The following CADPS2 variants were observed in gnomAD, a reference collection of about 807,000 sequenced individuals.
CADPS2 encodes calcium dependent secretion activator 2.
In CADPS2, 93 loss-of-function variants were observed where a neutral mutation model predicts 172.5. The observed-to-expected ratio is 0.54, with a 90% CI of 0.46 to 0.64. The LOEUF is 0.64. Ranked by LOEUF, CADPS2 falls within the 30% of genes least tolerant of loss-of-function variation. CADPS2 has a pLI of 0.00. For missense variants in CADPS2, 1,420 were observed against 1,565.9 expected (o/e 0.91, Z 1.57); for synonymous variants, 546 against 555.2 (o/e 0.98, Z 0.23).
chr7:122,683,836 C>T (rs1413883385), intron 2 of CADPS2, among the ~76,000 whole-genome samples: 1 of 151,926 alleles, frequency 6.6e-6, no homozygotes, highest in Admixed American at 6.6e-5. Flanking sequence ...CCTCCAGGTA[C>T]TCCAGTTTCC....
chr7:122,650,575 C>A (rs1300751758), intron 3 of CADPS2, among the ~76,000 whole-genome samples: 1 of 152,096 alleles, frequency 6.6e-6, no homozygotes, highest in African/African-American at 2.4e-5. Context: ...AATCTATATT[C>A]ATTATCTAGG....
chr7:122,753,470 T>C lies in CADPS2; in HGVS notation c.340-16402A>G, dbSNP rs182824820. On this transcript the variant is annotated intron_variant, in intron 1 of 29. Coordinates refer to ENST00000449022, the MANE Select transcript of CADPS2 (RefSeq NM_017954.11). ...AATTCAATAACTCAGCAAATATTTATTGAGAACCTACTACATACCTGTACT... is the reference window on the plus strand; with the variant it reads ...AATTCAATAACTCAGCAAATATTTACTGAGAACCTACTACATACCTGTACT... Among the ~76,000 whole-genome samples, 479 of 152,304 alleles carry C rather than the reference T, an allele frequency of 3.1e-3. 2 individuals are homozygous for C. The highest frequency in any genetic ancestry group is 0.011 in the African/African-American group (463 of 41,566).
chr7:122,664,064 CAAAAAAAA>C (rs541690772), intron 2 of CADPS2, among the ~76,000 whole-genome samples: 2 of 84,882 alleles, frequency 2.4e-5, no homozygotes, highest in African/African-American at 4.9e-5. Flanking sequence ...TGTTTATAAG[CAAAAAAAA>C]AAAAAAAAAA....
intron 1 of CADPS2, among the ~76,000 whole-genome samples, chr7:122,792,377 C>G (rs1202445827): frequency 6.6e-6 from 1 of 152,168 alleles, no homozygotes; most frequent in Non-Finnish European, 1.5e-5. Flanking sequence ...GACCCCATCC[C>G]TCTTTCAGCC....
At chr7:122,864,107 T>C (rs1210818498) in intron 1 of CADPS2, among the ~76,000 whole-genome samples, 3 of 152,064 alleles carry the variant, frequency 2.0e-5, no homozygotes, top group Non-Finnish European at 4.4e-5. Flanking sequence ...CTTAGGAGGA[T>C]TATAGAACAT....
rs916412439 is a variant in CADPS2 at position 122,364,413 on chromosome 7, TAAAAAAAAAA to T, written c.3388-3410_3388-3401del. Among the ~76,000 whole-genome samples, 321 of 77,914 alleles carry T rather than the reference TAAAAAAAAAA, an allele frequency of 4.1e-3. 1 individual carries two copies. Among genetic ancestry groups the T allele is most frequent in the African/African-American group, 0.016 (305 of 18,764 alleles). The allele number at this position is 77,914 out of a possible 152,430, so 51.1% of individuals were successfully genotyped here. ...GACAAAGGAAGACCCTGTCTCAAGT[TAAAAAAAAAA>T]AAAAAAAAAAAAAAAGAACTTGGCC... On this transcript the variant is annotated intron_variant, in intron 25 of 29. Coordinates refer to ENST00000449022, the MANE Select transcript of CADPS2 (RefSeq NM_017954.11).
intron 9 of CADPS2, among the ~76,000 whole-genome samples, chr7:122,491,649 C>T (rs2058298687): frequency 6.6e-6 from 1 of 152,098 alleles, no homozygotes; most frequent in African/African-American, 2.4e-5. Flanking sequence ...TTCCCCAAGA[C>T]AATGATTTGG....
chr7:122,878,565 AG>A (rs2141680088), intron 1 of CADPS2, among the ~76,000 whole-genome samples: 1 of 148,664 alleles, frequency 6.7e-6, no homozygotes, highest in African/African-American at 2.5e-5. Flanking sequence ...GCGTGAACCC[AG>A]GAGGTGGAGC....
chr7:122,633,047 T>C (rs1018833743), intron 3 of CADPS2, among the ~76,000 whole-genome samples: 3 of 152,132 alleles, frequency 2.0e-5, no homozygotes, highest in East Asian at 3.9e-4. Context: ...GCTGCTCCAT[T>C]TGTCTATGTG....
intron 1 of CADPS2, among the ~76,000 whole-genome samples, chr7:122,768,514 T>C (rs1012815276): frequency 6.6e-6 from 1 of 152,168 alleles, no homozygotes; most frequent in Non-Finnish European, 1.5e-5. Flanking sequence ...TTACCTTGCC[T>C]ACTGATCGTT....
intron 1 of CADPS2, among the ~76,000 whole-genome samples, chr7:122,818,050 G>A (rs1400272169): frequency 8.1e-6 from 1 of 124,114 alleles, no homozygotes; most frequent in African/African-American, 3.2e-5. Flanking sequence ...TTATTTCCAT[G>A]CCCCAACCTC....
intron 1 of CADPS2, among the ~76,000 whole-genome samples, chr7:122,840,522 T>G (rs1810139221): frequency 6.7e-6 from 1 of 150,342 alleles, no homozygotes; most frequent in South Asian, 2.1e-4. Context: ...TGTGAATTAT[T>G]TTTTAATTAA....
chr7:122,580,133 C>T (rs935433508), intron 7 of CADPS2, among the ~76,000 whole-genome samples: 1 of 152,024 alleles, frequency 6.6e-6, no homozygotes, highest in African/African-American at 2.4e-5. Context: ...TCTCTGAATA[C>T]AGTCTTCAGG....
At chr7:122,824,822 C>T (rs540545499) in intron 1 of CADPS2, among the ~76,000 whole-genome samples, 13 of 152,180 alleles carry the variant, frequency 8.5e-5, no homozygotes, top group Admixed American at 2.0e-4. Flanking sequence ...AGAAGTTACC[C>T]GGAATTTGGA....
At chr7:122,820,591 G>A (rs1584632422) in intron 1 of CADPS2, among the ~76,000 whole-genome samples, 1 of 104,754 alleles carries the variant, frequency 9.5e-6, no homozygotes, top group South Asian at 3.2e-4. Context: ...ACGGAGTCTC[G>A]CTCTGTCGCC....
chr7:122,878,626 CAA>C (rs1821968187), intron 1 of CADPS2, among the ~76,000 whole-genome samples: 1 of 145,068 alleles, frequency 6.9e-6, no homozygotes, highest in Non-Finnish European at 1.5e-5. Flanking sequence ...GGCGACAGAG[CAA>C]GACTCTGTCT....
intron 6 of CADPS2, among the ~76,000 whole-genome samples, chr7:122,596,838 T>C (rs538605509): frequency 2.0e-5 from 3 of 152,190 alleles, no homozygotes; most frequent in Non-Finnish European, 4.4e-5. Flanking sequence ...CACTGTGTGT[T>C]GCTATAAAGA....
At chr7:122,362,691 G>T (rs1323484050) in intron 25 of CADPS2, among the ~76,000 whole-genome samples, 1 of 152,080 alleles carries the variant, frequency 6.6e-6, no homozygotes, top group African/African-American at 2.4e-5. Flanking sequence ...TTTTCAATAG[G>T]AAAAGGGAAA....
chr7:122,778,002 A>C (rs573978511), intron 1 of CADPS2, among the ~76,000 whole-genome samples: 31 of 152,222 alleles, frequency 2.0e-4, no homozygotes, highest in African/African-American at 7.0e-4. Context: ...GAAGACAGGA[A>C]AATGTGGGAA....
Sources: gnomAD v4.1 joint callset for allele counts (sites outside exome capture counted in the v4.1 genomes callset) on GRCh38, gnomAD v4.1.1 for gene constraint, MANE v1.5 for transcripts, NCBI Gene and HGNC (gene_info 2026-07-23, HGNC 2026-07-21) for gene names.